Variants in AK7 observed in about 807,000 individuals in gnomAD.
AK7 encodes ATP-AMP transphosphorylase 7.
A neutral mutation model predicts 96.6 loss-of-function variants in AK7; 78 were observed. The observed-to-expected ratio is 0.81, with a 90% CI of 0.67 to 0.97. The LOEUF (loss-of-function observed/expected upper bound fraction) is 0.97. Ranked by LOEUF, AK7 falls within the 50% of genes least tolerant of loss-of-function variation. AK7 has a pLI of 0.00. For synonymous variants in AK7, 302 were observed against 317.2 expected (o/e 0.95, Z 0.51); for missense variants, 855 against 887.9 (o/e 0.96, Z 0.47).
chr14:96,467,483 A>G (rs185233401), intron 12 of AK7, among the ~76,000 whole-genome samples: 3 of 152,042 alleles, frequency 2.0e-5, no homozygotes, highest in Non-Finnish European at 4.4e-5. Context: ...CTACAGGCGC[A>G]CGCCACCACA....
intron 14 of AK7, 118 bp downstream of exon 14, chr14:96,472,873 G>C: frequency 1.4e-6 from 1 of 707,216 alleles, no homozygotes. Context: ...CCTGAGGTCA[G>C]GAGTTCAAGA....
intron 2 of AK7, chr14:96,398,512 C>T (rs1890220172): frequency 1.9e-6 from 1 of 519,690 alleles, no homozygotes; most frequent in Admixed American, 3.3e-5. Context: ...CTTTCAGACT[C>T]ATACAGTTCT....
intron 12 of AK7, among the ~76,000 whole-genome samples, chr14:96,463,961 T>C (rs1894414651): frequency 6.6e-6 from 1 of 152,092 alleles, no homozygotes; most frequent in Non-Finnish European, 1.5e-5. Context: ...TCACTGAGAA[T>C]TTGATCCTGG....
chr14:96,486,890 T>C lies in AK7; in HGVS notation c.1975-8T>C. ...ACATTTACTTTACCACCAAATATTC[T>C]ATTTTAGAATAAACGACTGGAGGAA... On this transcript the variant is annotated splice_region_variant and splice_polypyrimidine_tract_variant and intron_variant, in intron 16 of 17. Coordinates refer to ENST00000267584, the MANE Select transcript of AK7 (RefSeq NM_152327.5). The C allele has an allele frequency of 6.2e-7, 1 of 1,612,694 alleles. No homozygotes were observed. The highest frequency in any genetic ancestry group is 8.5e-7 in the Non-Finnish European group (1 of 1,179,202).
intron 9 of AK7, among the ~76,000 whole-genome samples, chr14:96,450,718 GGAGCA>G (rs2140110906): frequency 6.6e-6 from 1 of 151,540 alleles, no homozygotes; most frequent in South Asian, 2.1e-4. Flanking sequence ...GTTTCCTTGA[GGAGCA>G]GAACTGGGTG....
chr14:96,407,517 A>G (rs1890776529), intron 3 of AK7, among the ~76,000 whole-genome samples: 1 of 151,090 alleles, frequency 6.6e-6, no homozygotes, highest in South Asian at 2.1e-4. Flanking sequence ...TGCATTACTT[A>G]GCCCCTCTGA....
chr14:96,392,143 G>A lies in AK7; in HGVS notation c.-12G>A. The A allele has an allele frequency of 6.2e-7, 1 of 1,606,528 alleles. No homozygotes were observed. The highest frequency in any genetic ancestry group is 1.1e-5 in the South Asian group (1 of 90,884). On this transcript the variant is annotated 5_prime_UTR_variant, in exon 1 of 18. Coordinates refer to ENST00000267584, the MANE Select transcript of AK7 (RefSeq NM_152327.5). Reference sequence around the variant, plus strand: ...TGGCGCTTTCACCTTAGCAACCAGCGCGGCTCCCACCATGGCTGAAGAAGA... The same window carrying A: ...TGGCGCTTTCACCTTAGCAACCAGCACGGCTCCCACCATGGCTGAAGAAGA...
intron 11 of AK7, 120 bp from the exon 12 acceptor site, chr14:96,457,963 G>A: frequency 7.1e-7 from 1 of 1,410,346 alleles, no homozygotes; most frequent in Non-Finnish European, 9.6e-7. Context: ...CATGACAGCT[G>A]TCATAGGGTA....
chr14:96,422,543 C>T (rs554672289), intron 5 of AK7, among the ~76,000 whole-genome samples: 23 of 152,266 alleles, frequency 1.5e-4, no homozygotes, highest in Non-Finnish European at 3.2e-4. Context: ...CCACAAGGGT[C>T]GCATTCCATT....
In AK7 at chr14:96,404,812, A is replaced by G; in HGVS notation, c.350A>G (p.Tyr117Cys). 4.3e-6 allele frequency: 7 copies of G among 1,611,038 alleles called. No homozygotes were observed. Among genetic ancestry groups the G allele is most frequent in the South Asian group, 1.1e-5 (1 of 90,808 alleles). ...MRLLECDVIIYNITESSQQME... is the reference protein window; with the variant it reads ...MRLLECDVIICNITESSQQME... The stretch of plus-strand genomic sequence containing the variant: ...CTGCTGGAGTGTGATGTTATTATTT[A>G]TAACATCACTGAGAGCTCACAGCAA... The change falls in exon 3 of 18, where the codon TAT becomes TGT. Residue 117 changes from tyrosine (Y) to cysteine (C), a missense_variant. Tyr to Cys is a radical substitution (Grantham distance 194). Transcript: ENST00000267584.
intron 5 of AK7, chr14:96,424,254 G>C (rs1891892110): frequency 7.0e-6 from 3 of 430,672 alleles, no homozygotes; most frequent in Non-Finnish European, 1.3e-5. Context: ...GGAGTGCCGC[G>C]GGAGGCCAGG....
At chr14:96,396,122 G>A (rs1289175749) in intron 1 of AK7, among the ~76,000 whole-genome samples, 1 of 152,046 alleles carries the variant, frequency 6.6e-6, no homozygotes, top group African/African-American at 2.4e-5. Context: ...ACTTCTTTTA[G>A]TATACAGAGA....
intron 4 of AK7, among the ~76,000 whole-genome samples, chr14:96,412,495 TG>T (rs1325356385): frequency 6.6e-6 from 1 of 151,586 alleles, no homozygotes; most frequent in African/African-American, 2.4e-5. Context: ...CCCAAAGTGC[TG>T]GGGTTACAGA....
At chr14:96,394,355 C>G (rs1182192205) in intron 1 of AK7, among the ~76,000 whole-genome samples, 1 of 152,182 alleles carries the variant, frequency 6.6e-6, no homozygotes, top group Non-Finnish European at 1.5e-5. Context: ...GTGCTAATTT[C>G]TTTTAAAATC....
intron 5 of AK7, among the ~76,000 whole-genome samples, chr14:96,429,775 G>C (rs1892240915): frequency 6.6e-6 from 1 of 152,242 alleles, no homozygotes. Context: ...TCTGTTATTG[G>C]TGTATAGGAA....
intron 5 of AK7, among the ~76,000 whole-genome samples, chr14:96,425,221 T>C (rs1181896163): frequency 6.6e-6 from 1 of 152,202 alleles, no homozygotes; most frequent in African/African-American, 2.4e-5. Context: ...GCCCAGGCAC[T>C]GTGATGAGGA....
At chr14:96,406,740 C>T (rs559715760) in intron 3 of AK7, among the ~76,000 whole-genome samples, 2 of 152,036 alleles carry the variant, frequency 1.3e-5, no homozygotes, top group East Asian at 1.9e-4. Flanking sequence ...GGCTGGAGTG[C>T]AGCAGTATAT....
At chr14:96,456,655 T>A in intron 11 of AK7, 180 bp downstream of exon 11, 1 of 601,182 alleles carries the variant, frequency 1.7e-6, no homozygotes, top group Non-Finnish European at 2.8e-6. Context: ...CTCTTCCCCC[T>A]CAGGCCTGAG....
intron 12 of AK7, 102 bp from the exon 13 acceptor site, chr14:96,471,376 G>C: frequency 2.7e-6 from 1 of 374,462 alleles, no homozygotes; most frequent in Non-Finnish European, 4.5e-6. Flanking sequence ...ATTTCCAATA[G>C]TACCTTTGAC....
Sources: gnomAD v4.1 joint callset for allele counts (sites outside exome capture counted in the v4.1 genomes callset) on GRCh38, gnomAD v4.1.1 for gene constraint, MANE v1.5 for transcripts, NCBI Gene and HGNC (gene_info 2026-07-23, HGNC 2026-07-21) for gene names.